SHANK2: variants seen among roughly 807,000 people sequenced by gnomAD.
SHANK2 encodes SH3 and multiple ankyrin repeat domains protein 2.
SHANK2 carries 43 observed loss-of-function variants against 133.7 expected under a neutral mutation model. The observed-to-expected ratio is 0.32, with a 90% CI of 0.25 to 0.41. The LOEUF (loss-of-function observed/expected upper bound fraction) is 0.41. Among genes scored for constraint, SHANK2 ranks in the 10% least tolerant of loss-of-function variants. SHANK2 has a pLI of 1.00. For missense variants in SHANK2, 1,994 were observed against 2,235.8 expected (o/e 0.89, Z 2.18); for synonymous variants, 1,017 against 952.8 (o/e 1.07, Z -1.24).
rs1436230937 is a variant in SHANK2, at chr11:71,167,373, G to A, written c.-12-20035C>T. Among the ~76,000 whole-genome samples the A allele has an allele frequency of 4.1e-3, 614 of 150,688 alleles. 2 individuals are homozygous for A. The highest frequency in any genetic ancestry group is 5.0e-3 in the Non-Finnish European group (336 of 67,736). ...CCAGTAGGGGCGGCCGGGCAGAGGC[G>A]CCCCTCACCTCCCGGACAGGGCGGC... On this transcript the variant is annotated intron_variant, in intron 2 of 25. Coordinates refer to ENST00000601538, the MANE Select transcript of SHANK2 (RefSeq NM_012309.5).
At chr11:70,658,224 CACACACACACACACACACACAG>C (rs2061430904) in intron 17 of SHANK2, among the ~76,000 whole-genome samples, 6 of 121,646 alleles carry the variant, frequency 4.9e-5, no homozygotes, top group African/African-American at 1.9e-4. Flanking sequence ...CACACACACA[CACACACACACACACACACACAG>C]ACACACACAC....
At chr11:70,904,723 G>A (rs1263744829) in intron 10 of SHANK2, among the ~76,000 whole-genome samples, 1 of 152,068 alleles carries the variant, frequency 6.6e-6, no homozygotes, top group African/African-American at 2.4e-5. Flanking sequence ...AGGCAGGCTG[G>A]TCTCGAACTC....
At chr11:71,110,527 C>T (rs1951876801) in intron 5 of SHANK2, among the ~76,000 whole-genome samples, 1 of 152,204 alleles carries the variant, frequency 6.6e-6, no homozygotes, top group South Asian at 2.1e-4. Context: ...ATCGCCTGAG[C>T]CGAGGCTGCA....
chr11:70,757,188 T>G (rs1463733729), intron 14 of SHANK2, among the ~76,000 whole-genome samples: 1 of 152,238 alleles, frequency 6.6e-6, no homozygotes, highest in African/African-American at 2.4e-5. Context: ...GGAAGGTTAA[T>G]AGCAGTGTTA....
chr11:70,502,665 CT>C, intron 18 of SHANK2, 130 bp downstream of exon 18: 1 of 1,095,360 alleles, frequency 9.1e-7, no homozygotes, highest in African/African-American at 1.5e-5. Flanking sequence ...AGCCTCACCC[CT>C]GTGCCTGGGC....
Position 70,804,304 on chromosome 11 carries a change from A to G in SHANK2, c.1663+2698T>C, listed in dbSNP as rs1345471073. Among the ~76,000 whole-genome samples, 1 of 152,032 alleles carries G rather than the reference A, an allele frequency of 6.6e-6. No individual in the cohort carries two copies. Among genetic ancestry groups the G allele is most frequent in the East Asian group, 1.9e-4 (1 of 5,166 alleles). On this transcript the variant is annotated intron_variant, in intron 13 of 25. Transcript: ENST00000601538. The surrounding 1 kb of genome is among the most constrained non-coding windows in gnomAD (Gnocchi z 4.1). ...TGCAGGCAGCAAGGATGTGCGGGCC[A>G]CCCCACGATGGGGAGGAGGCACCGA... is the stretch of plus-strand genomic sequence containing the variant.
At chr11:70,809,242 A>G (rs1948230127) in intron 12 of SHANK2, among the ~76,000 whole-genome samples, 1 of 152,210 alleles carries the variant, frequency 6.6e-6, no homozygotes, top group African/African-American at 2.4e-5. Flanking sequence ...CAGGGAAGCG[A>G]GTGGTCTCTG....
At chr11:70,556,371 TTC>T (rs1304686461) in intron 17 of SHANK2, among the ~76,000 whole-genome samples, 1 of 144,354 alleles carries the variant, frequency 6.9e-6, no homozygotes, top group Non-Finnish European at 1.5e-5. Context: ...CACATTTATT[TTC>T]TCTCTGTCTC....
At chr11:70,764,245 G>GCATCCATC (rs782104708) in intron 14 of SHANK2, among the ~76,000 whole-genome samples, 1 of 114,772 alleles carries the variant, frequency 8.7e-6, no homozygotes, top group Non-Finnish European at 1.8e-5. Flanking sequence ...ACCCACCCAT[G>GCATCCATC]CATCCATCCA....
At chr11:70,601,335 T>A (rs2060494438) in intron 17 of SHANK2, among the ~76,000 whole-genome samples, 1 of 152,154 alleles carries the variant, frequency 6.6e-6, no homozygotes, top group African/African-American at 2.4e-5. Flanking sequence ...TTCTCCTGCC[T>A]CAGCCTTCTG....
chr11:71,081,738 G>A (rs1437547382), intron 8 of SHANK2, among the ~76,000 whole-genome samples: 1 of 152,216 alleles, frequency 6.6e-6, no homozygotes, highest in Non-Finnish European at 1.5e-5. Context: ...GGCCAGAGGG[G>A]CTCAGAATAT....
chr11:71,184,038 C>T (rs993332516), intron 2 of SHANK2, among the ~76,000 whole-genome samples: 1 of 152,142 alleles, frequency 6.6e-6, no homozygotes. Context: ...CTAACTAGAG[C>T]CCCTGGGCTA....
chr11:71,163,972 G>T (rs1953085034), intron 2 of SHANK2, among the ~76,000 whole-genome samples: 1 of 152,226 alleles, frequency 6.6e-6, no homozygotes, highest in African/African-American at 2.4e-5. Flanking sequence ...AGTTCCCACT[G>T]ATCTAGTTCC....
intron 17 of SHANK2, among the ~76,000 whole-genome samples, chr11:70,585,942 A>G (rs2060245387): frequency 1.3e-5 from 2 of 151,672 alleles, no homozygotes; most frequent in African/African-American, 2.4e-5. Flanking sequence ...CCATTCCTCC[A>G]TCCATCCATC....
chr11:71,210,254 T>TATATATATATATA (rs1565516818), intron 2 of SHANK2, among the ~76,000 whole-genome samples: 5 of 59,956 alleles, frequency 8.3e-5, no homozygotes, highest in South Asian at 5.1e-4. Flanking sequence ...ATATATATAT[T>TATATATATATATA]TATTTATTTT....
chr11:70,906,400 C>A (rs1429917983), intron 10 of SHANK2, among the ~76,000 whole-genome samples: 1 of 152,130 alleles, frequency 6.6e-6, no homozygotes, highest in Non-Finnish European at 1.5e-5. Flanking sequence ...GAGGTAGAGC[C>A]CAGGCGAGGG....
At chr11:70,538,847 C>T (rs868931541) in intron 17 of SHANK2, among the ~76,000 whole-genome samples, 11 of 152,332 alleles carry the variant, frequency 7.2e-5, no homozygotes, top group Middle Eastern at 3.4e-3. Context: ...GTGTTGGGGG[C>T]AGCCCTGAGT....
rs150361644 is a variant in SHANK2, at chr11:70,590,464, G to A, written c.2061+69364C>T. Among the ~76,000 whole-genome samples, 69 of 152,336 alleles carry A rather than the reference G, an allele frequency of 4.5e-4. 1 individual carries two copies. The highest frequency in any genetic ancestry group is 1.5e-3 in the African/African-American group (63 of 41,576). On this transcript the variant is annotated intron_variant, in intron 17 of 25. Transcript: ENST00000601538. ...CTATCAAACAGCATTGCATGCTACA[G>A]AGACACCTTTCATGAAAGGAAAAGT...
intron 14 of SHANK2, among the ~76,000 whole-genome samples, chr11:70,797,873 G>A (rs1039791972): frequency 6.4e-5 from 6 of 93,754 alleles, no homozygotes; most frequent in Non-Finnish European, 1.3e-4. Flanking sequence ...ACACACACTC[G>A]GTACCATTTT....
Sources: gnomAD v4.1 joint callset for allele counts (sites outside exome capture counted in the v4.1 genomes callset) on GRCh38, gnomAD v4.1.1 for gene constraint, Gnocchi (gnomAD v3.1) non-coding constraint, MANE v1.5 for transcripts, NCBI Gene and HGNC (gene_info 2026-07-23, HGNC 2026-07-21) for gene names.